The following MYRFL variants were observed in gnomAD, a reference collection of about 807,000 sequenced individuals.
MYRFL encodes the protein myelin regulatory factor-like protein.
In MYRFL, 88 loss-of-function variants were observed where a neutral mutation model predicts 109.4. The observed-to-expected ratio is 0.80, with a 90% CI of 0.68 to 0.96. The LOEUF is 0.96. Among genes scored for constraint, MYRFL ranks in the 40% least tolerant of loss-of-function variants. The pLI, the probability that MYRFL is intolerant of heterozygous loss-of-function variation, is 0.00. For missense variants in MYRFL, 957 were observed against 954.9 expected (o/e 1.00, Z -0.03); for synonymous variants, 324 against 320.9 (o/e 1.01, Z -0.10).
At chr12:69,947,366 A>G (rs185603521) in intron 19 of MYRFL, among the ~76,000 whole-genome samples, 1 of 152,136 alleles carries the variant, frequency 6.6e-6, no homozygotes, top group Non-Finnish European at 1.5e-5. Context: ...TCATGTCATT[A>G]TTCTTCTTTT....
chr12:69,926,524 A>G, intron 13 of MYRFL, 47 bp from the exon 14 acceptor site: 1 of 1,430,728 alleles, frequency 7.0e-7, no homozygotes, highest in Non-Finnish European at 9.2e-7. Flanking sequence ...CTTTGTAGTG[A>G]TCTCAAATTG....
chr12:69,895,823 C>T (rs2136341630), intron 9 of MYRFL, among the ~76,000 whole-genome samples: 1 of 152,280 alleles, frequency 6.6e-6, no homozygotes, highest in East Asian at 1.9e-4. Flanking sequence ...GTGTGCTGAT[C>T]TCTAGTCTTG....
chr12:69,843,713 C>T (rs897661598), intron 1 of MYRFL, among the ~76,000 whole-genome samples: 3 of 152,278 alleles, frequency 2.0e-5, no homozygotes, highest in African/African-American at 2.4e-5. Flanking sequence ...TGTCTTCCTA[C>T]GGCCAAGAGC....
intron 5 of MYRFL, among the ~76,000 whole-genome samples, chr12:69,883,483 G>GGCAATATGGCATT (rs766932435): frequency 2.6e-4 from 40 of 152,098 alleles, no homozygotes; most frequent in Non-Finnish European, 4.9e-4. Flanking sequence ...TTTATACAAT[G>GGCAATATGGCATT]GAGTACAATA....
intron 2 of MYRFL, among the ~76,000 whole-genome samples, chr12:69,868,166 G>A (rs1215013324): frequency 1.3e-5 from 2 of 151,154 alleles, no homozygotes; most frequent in African/African-American, 4.9e-5. Context: ...GAGTGCAGTG[G>A]CACAATCTTG....
intron 13 of MYRFL, 102 bp downstream of exon 13, chr12:69,911,032 A>T: frequency 3.0e-6 from 2 of 675,926 alleles, no homozygotes; most frequent in Non-Finnish European, 4.9e-6. Flanking sequence ...AGGAAGTGGG[A>T]CATTAAAATA....
intron 21 of MYRFL, among the ~76,000 whole-genome samples, chr12:69,953,602 C>A (rs1040613450): frequency 8.7e-5 from 13 of 148,856 alleles, no homozygotes; most frequent in African/African-American, 3.4e-4. Flanking sequence ...GATCCTGTCT[C>A]TCCAAACAAA....
At chr12:69,828,918 A>C (rs1168529067) in intron 1 of MYRFL, among the ~76,000 whole-genome samples, 1 of 152,120 alleles carries the variant, frequency 6.6e-6, no homozygotes, top group Non-Finnish European at 1.5e-5. Flanking sequence ...CGAAAGAACA[A>C]ATTTTTGAGA....
Position 69,860,970 on chromosome 12 carries a change from TC to T in MYRFL, c.137+5603del, listed in dbSNP as rs1884622606. ...TGTCCATGTGTTCTCATTGTTCAGT[TC>T]CCACCTATGAGCGAGAATATGCAGT... is the stretch of plus-strand genomic sequence containing the variant. On this transcript the variant is annotated intron_variant, in intron 2 of 24. Coordinates refer to ENST00000552032, the MANE Select transcript of MYRFL (RefSeq NM_182530.3). 2.7e-5 allele frequency among the ~76,000 whole-genome samples: 4 copies of T among 145,638 alleles called. No homozygotes were observed. The South Asian group carries it at 9.1e-4, about 33-fold the overall frequency.
rs924025641 is a variant in MYRFL at position 69,891,027 on chromosome 12, A to G, written c.764A>G (p.Asp255Gly). 4 of 1,534,894 alleles carry G rather than the reference A, an allele frequency of 2.6e-6. No homozygotes were observed. Among genetic ancestry groups the G allele is most frequent in the African/African-American group, 2.7e-5 (2 of 73,018 alleles). Residue 255 changes from aspartate (D) to glycine (G), a missense_variant, in exon 7 of 25, where the codon GAT becomes GGT. Asp to Gly is a moderately conservative substitution (Grantham distance 94). Coordinates refer to ENST00000552032, the MANE Select transcript of MYRFL (RefSeq NM_182530.3). Reference protein sequence around the residue: ...TDKGFNFSPADEAFVCQKKNH... With the variant: ...TDKGFNFSPAGEAFVCQKKNH... The stretch of plus-strand genomic sequence containing the variant: ...AAAGGATTTAATTTTTCACCAGCAG[A>G]TGAAGCTTTTGTTTGCCAAAAGAAG...
intron 1 of MYRFL, among the ~76,000 whole-genome samples, chr12:69,832,006 A>G (rs775640072): frequency 2.3e-4 from 35 of 152,126 alleles, no homozygotes; most frequent in Non-Finnish European, 4.1e-4. Flanking sequence ...GAGAAATGTT[A>G]TGTCTTGTTC....
Position 69,926,932 on chromosome 12 carries a change from G to GTTTTTTTTTTTTTTTTTTT in MYRFL, c.1766+198_1766+199insTTTTTTTTTTTTTTTTTTT, listed in dbSNP as rs1336716063. ...ACTTTCTTAGTTTTTTTCTGTTGCT[G>GTTTTTTTTTTTTTTTTTTT]GTTTTTTTTTTTTTTTTTTTTTTTT... On this transcript the variant is annotated intron_variant, in intron 14 of 24. Transcript: ENST00000552032. Among the ~76,000 whole-genome samples, 73 of 76,872 alleles carry GTTTTTTTTTTTTTTTTTTT rather than the reference G, an allele frequency of 9.5e-4. 31 individuals carry two copies. Among genetic ancestry groups the GTTTTTTTTTTTTTTTTTTT allele is most frequent in the Non-Finnish European group, 1.4e-3 (53 of 39,082 alleles). 50.4% of individuals were successfully genotyped at this position (76,872 alleles called of 152,430 possible).
chr12:69,921,351 C>G (rs763837906), intron 13 of MYRFL, among the ~76,000 whole-genome samples: 8 of 152,094 alleles, frequency 5.3e-5, no homozygotes, highest in Non-Finnish European at 1.0e-4. Context: ...CCCATGAATC[C>G]AAGATTCTAC....
intron 19 of MYRFL, among the ~76,000 whole-genome samples, chr12:69,948,821 G>A (rs1208169643): frequency 6.6e-6 from 1 of 152,138 alleles, no homozygotes; most frequent in East Asian, 1.9e-4. Flanking sequence ...GTTCTGTCTT[G>A]CTTCCTTTTG....
intron 2 of MYRFL, among the ~76,000 whole-genome samples, chr12:69,859,108 T>G (rs1008470952): frequency 6.6e-6 from 1 of 152,098 alleles, no homozygotes; most frequent in African/African-American, 2.4e-5. Context: ...TTTCTTTGAC[T>G]CATGGGTTGC....
intron 13 of MYRFL, among the ~76,000 whole-genome samples, chr12:69,912,747 A>T (rs948590960): frequency 6.6e-5 from 10 of 152,226 alleles, no homozygotes; most frequent in African/African-American, 2.4e-4. Context: ...TATTGTGAAT[A>T]ATACTGCTAT....
intron 11 of MYRFL, among the ~76,000 whole-genome samples, chr12:69,905,608 T>C (rs1008977388): frequency 2.0e-5 from 3 of 152,248 alleles, no homozygotes; most frequent in Non-Finnish European, 4.4e-5. Context: ...GAAATGCTCA[T>C]ATTCATTTTA....
rs75797342 is a variant in MYRFL, at chr12:69,859,034, T to G, written c.137+3664T>G. On this transcript the variant is annotated intron_variant, in intron 2 of 24. Transcript: ENST00000552032. ...CTGCCTCACTCAGTTTTTGATATAC[T>G]ATATATATATATTTTTTTCAGTTCA... Among the ~76,000 whole-genome samples the G allele has an allele frequency of 8.4e-3, 1,275 of 151,452 alleles. 11 individuals are homozygous for G. Among genetic ancestry groups the G allele is most frequent in the African/African-American group, 0.025 (1,049 of 41,452 alleles).
intron 1 of MYRFL, among the ~76,000 whole-genome samples, chr12:69,845,921 C>G (rs142222298): frequency 2.0e-5 from 3 of 151,848 alleles, no homozygotes; most frequent in African/African-American, 7.3e-5. Flanking sequence ...AAAGATAATA[C>G]CTGCATCATG....
Sources: gnomAD v4.1 joint callset for allele counts (sites outside exome capture counted in the v4.1 genomes callset) on GRCh38, gnomAD v4.1.1 for gene constraint, MANE v1.5 for transcripts, NCBI Gene and HGNC (gene_info 2026-07-23, HGNC 2026-07-21) for gene names.